Variants in RARB observed in about 807,000 individuals in gnomAD.
The protein encoded by RARB is HBV-activated protein.
Under a neutral mutation model 51.9 loss-of-function variants are expected in RARB, and 17 were observed. The observed-to-expected ratio is 0.33, with a 90% CI of 0.22 to 0.49. The LOEUF (loss-of-function observed/expected upper bound fraction) is 0.49, where lower values mean the gene tolerates loss of function less well. Ranked by LOEUF, RARB falls within the 20% of genes least tolerant of loss-of-function variation. The probability of loss-of-function intolerance (pLI) is 0.99; values close to 1 mark genes in which losing one functional copy is unlikely to be tolerated. For missense variants in RARB, 369 were observed against 550.8 expected, an observed-to-expected ratio of 0.67 and a Z score of 3.30; for synonymous variants, 215 against 195.4, an observed-to-expected ratio of 1.10 and a Z score of -0.84.
chr3:25,282,667 T>G (rs1373167350), intron 5 of RARB, among the ~76,000 whole-genome samples: 1 of 152,164 alleles, frequency 6.6e-6, no homozygotes, highest in Admixed American at 6.5e-5. Flanking sequence ...CCAGAAGAGC[T>G]GGCAGAGAGG....
chr3:25,445,704 A>G (rs1167607007), intron 1 of RARB, among the ~76,000 whole-genome samples: 1 of 152,116 alleles, frequency 6.6e-6, no homozygotes, highest in Non-Finnish European at 1.5e-5. Flanking sequence ...AGCAATAATA[A>G]TTGCCTCTCA....
chr3:25,423,791 A>C (rs1243161437), upstream of RARB, among the ~76,000 whole-genome samples: 2 of 152,236 alleles, frequency 1.3e-5, no homozygotes, highest in Admixed American at 1.3e-4. Flanking sequence ...GAAATAGCCA[A>C]AGATAGGTCT....
intron 5 of RARB, among the ~76,000 whole-genome samples, chr3:25,337,476 T>C (rs1225036755): frequency 6.6e-6 from 1 of 152,224 alleles, no homozygotes; most frequent in African/African-American, 2.4e-5. Flanking sequence ...CCTCACTTTC[T>C]ACATTTGCAC....
chr3:25,528,687 C>A (rs148646169), intron 3 of RARB, among the ~76,000 whole-genome samples: 1 of 152,000 alleles, frequency 6.6e-6, no homozygotes, highest in African/African-American at 2.4e-5. Flanking sequence ...CAAGGGGCTT[C>A]CATGTTCCCC....
intron 5 of RARB, among the ~76,000 whole-genome samples, chr3:25,255,219 T>G (rs1012448735): frequency 1.3e-5 from 2 of 152,162 alleles, no homozygotes; most frequent in African/African-American, 2.4e-5. Flanking sequence ...AACACAAATA[T>G]GAATTTTTTC....
intron 4 of RARB, among the ~76,000 whole-genome samples, chr3:25,172,058 TA>T (rs1369045953): frequency 1.3e-5 from 2 of 152,202 alleles, no homozygotes; most frequent in African/African-American, 4.8e-5. Context: ...GTGTGTTGTA[TA>T]AGCCAACAGG....
chr3:25,368,989 A>C (rs891965462), intron 5 of RARB, among the ~76,000 whole-genome samples: 20 of 152,330 alleles, frequency 1.3e-4, no homozygotes, highest in Non-Finnish European at 2.4e-4. Context: ...ACATATTTCA[A>C]ATACTAGTGG....
At chr3:25,304,319 G>T (rs1324897099) in intron 5 of RARB, among the ~76,000 whole-genome samples, 1 of 152,036 alleles carries the variant, frequency 6.6e-6, no homozygotes. Context: ...CCACATCTTT[G>T]CCCAAGCTTT....
At chr3:24,998,800 G>A (rs956445308) in intron 2 of RARB, among the ~76,000 whole-genome samples, 2 of 114,506 alleles carry the variant, frequency 1.7e-5, no homozygotes, top group African/African-American at 7.1e-5. Flanking sequence ...CCAAATTCCT[G>A]TAGATATTGT....
At chr3:25,080,636 G>A (rs1020001906) in intron 3 of RARB, among the ~76,000 whole-genome samples, 2 of 152,052 alleles carry the variant, frequency 1.3e-5, no homozygotes, top group Non-Finnish European at 2.9e-5. Flanking sequence ...AGATCATTGA[G>A]GTTTTTATTT....
intron 2 of RARB, among the ~76,000 whole-genome samples, chr3:24,932,224 G>A (rs1695456199): frequency 6.6e-6 from 1 of 152,062 alleles, no homozygotes; most frequent in Admixed American, 6.6e-5. Context: ...TATAGGGCAA[G>A]CAGAGATAAA....
chr3:25,166,352 C>A (rs1700561317), intron 4 of RARB, among the ~76,000 whole-genome samples: 2 of 152,136 alleles, frequency 1.3e-5, no homozygotes, highest in South Asian at 4.1e-4. Context: ...AGGATTTGTG[C>A]TGAGCCTGGT....
chr3:25,533,082 G>A (rs1185180835), intron 3 of RARB, among the ~76,000 whole-genome samples: 4 of 152,124 alleles, frequency 2.6e-5, no homozygotes, highest in Admixed American at 6.5e-5. Context: ...ATACTCTAGA[G>A]GCTGCCTCCA....
chr3:25,384,212 A>G (rs7627850), intron 5 of RARB, among the ~76,000 whole-genome samples: 131,696 of 152,182 alleles, frequency 0.87, 57,134 homozygotes, highest in East Asian at 0.99. Flanking sequence ...CCCCATTACT[A>G]CATGGCAGTT....
chr3:25,523,584 G>A (rs1431927175), intron 3 of RARB, among the ~76,000 whole-genome samples: 1 of 152,194 alleles, frequency 6.6e-6, no homozygotes, highest in Non-Finnish European at 1.5e-5. Flanking sequence ...ATTCTTTGGA[G>A]AGGGGTTTTT....
intron 5 of RARB, chr3:25,324,062 C>G (rs1287657986): frequency 6.6e-6 from 1 of 152,136 alleles, no homozygotes; most frequent in African/African-American, 2.4e-5. Flanking sequence ...TCATTGATTT[C>G]TAGTCTCGGA....
chr3:25,230,597 G>T lies in RARB; in HGVS notation c.178+56022G>T, dbSNP rs534760949. ...TAATTAATATTTATCTAGTATTCAC[G>T]ATGTGTCAGGCATTCTTATAGGCAT... is the stretch of plus-strand genomic sequence containing the variant. On this transcript the variant is annotated intron_variant, in intron 5 of 11. Coordinates refer to the RARB transcript ENST00000383772. Among the ~76,000 whole-genome samples, 4 of 151,784 alleles carry T rather than the reference G, an allele frequency of 2.6e-5. No homozygotes were observed. The South Asian group carries it at 8.3e-4, about 32-fold the overall frequency.
At chr3:25,019,808 C>T (rs115226653) in intron 2 of RARB, among the ~76,000 whole-genome samples, 1,624 of 152,212 alleles carry the variant, frequency 0.011, 23 homozygotes, top group African/African-American at 0.037. Flanking sequence ...AGCAGACCAA[C>T]GCTGGATGAT....
intron 2 of RARB, among the ~76,000 whole-genome samples, chr3:25,030,432 G>A (rs974085207): frequency 4.6e-5 from 7 of 152,168 alleles, no homozygotes; most frequent in Non-Finnish European, 1.0e-4. Flanking sequence ...TTCTTTCATA[G>A]ATTTGGTTTT....
Sources: gnomAD v4.1 joint callset for allele counts (sites outside exome capture counted in the v4.1 genomes callset) on GRCh38, gnomAD v4.1.1 for gene constraint, MANE v1.5 for transcripts, NCBI Gene and HGNC (gene_info 2026-07-23, HGNC 2026-07-21) for gene names.